GABRG3: variants seen among roughly 807,000 people sequenced by gnomAD.
The protein encoded by GABRG3 is gamma-aminobutyric acid receptor subunit gamma-3.
GABRG3 carries 25 observed loss-of-function variants against 48.8 expected under a neutral mutation model. The observed-to-expected ratio is 0.51, with a 90% CI of 0.37 to 0.72. The LOEUF is 0.72. GABRG3 is among the 30% of genes least tolerant of loss of function. The pLI, the probability that GABRG3 is intolerant of heterozygous loss-of-function variation, is 0.00. For synonymous variants in GABRG3, 227 were observed against 217.6 expected (o/e 1.04, Z -0.38); for missense variants, 394 against 577.9 (o/e 0.68, Z 3.26).
chr15:27,475,553 TG>T (rs1203121313), intron 5 of GABRG3, among the ~76,000 whole-genome samples: 2 of 152,004 alleles, frequency 1.3e-5, no homozygotes, highest in Non-Finnish European at 2.9e-5. Context: ...GTGATGATGA[TG>T]GTATGATGAT....
chr15:27,194,184 G>A (rs1888423314), intron 3 of GABRG3, among the ~76,000 whole-genome samples: 1 of 152,030 alleles, frequency 6.6e-6, no homozygotes, highest in African/African-American at 2.4e-5. Flanking sequence ...CTTTCATTTA[G>A]TTCCCTAGTT....
intron 3 of GABRG3, among the ~76,000 whole-genome samples, chr15:27,243,288 A>T (rs1304617045): frequency 2.0e-5 from 3 of 152,186 alleles, no homozygotes; most frequent in African/African-American, 7.2e-5. Context: ...TGAAAATAAC[A>T]CCCGAAAGAA....
At chr15:27,129,298 A>T (rs2140381624) in intron 3 of GABRG3, among the ~76,000 whole-genome samples, 1 of 152,298 alleles carries the variant, frequency 6.6e-6, no homozygotes, top group South Asian at 2.1e-4. Context: ...TATATAGTGG[A>T]ATCATACAGC....
chr15:27,195,151 A>G (rs1566961358), intron 3 of GABRG3, among the ~76,000 whole-genome samples: 1 of 152,048 alleles, frequency 6.6e-6, no homozygotes, highest in Non-Finnish European at 1.5e-5. Flanking sequence ...AAGAGAATGA[A>G]TAACTGCTTG....
At chr15:27,331,689 C>T (rs1366151883) in intron 5 of GABRG3, among the ~76,000 whole-genome samples, 1 of 152,152 alleles carries the variant, frequency 6.6e-6, no homozygotes, top group Non-Finnish European at 1.5e-5. Context: ...AGAATGAATG[C>T]TAAAATCAGT....
rs150769934 is a variant in GABRG3, at chr15:27,370,003, A to G, written c.574+41115A>G. Among the ~76,000 whole-genome samples the G allele has an allele frequency of 3.3e-5, 5 of 152,224 alleles. No homozygotes were observed. The East Asian group carries it at 7.7e-4, about 24-fold the overall frequency. On this transcript the variant is annotated intron_variant, in intron 5 of 9. Coordinates refer to ENST00000615808, the MANE Select transcript of GABRG3 (RefSeq NM_033223.5). The stretch of plus-strand genomic sequence containing the variant: ...CCAACGTGGAAGCGTAGTAGGTTGG[A>G]TGCTGATTGCATACCCCTTTTAGCA...
At chr15:27,100,002 G>A (rs1414107214) in intron 3 of GABRG3, among the ~76,000 whole-genome samples, 2 of 152,026 alleles carry the variant, frequency 1.3e-5, no homozygotes, top group Admixed American at 1.3e-4. Context: ...AGATCATGAG[G>A]CCAAGAGTTC....
At chr15:27,092,382 TC>T (rs1897202278) in intron 3 of GABRG3, among the ~76,000 whole-genome samples, 1 of 152,200 alleles carries the variant, frequency 6.6e-6, no homozygotes, top group South Asian at 2.1e-4. Flanking sequence ...TTCTCTGTTA[TC>T]CTATTTTTAT....
chr15:26,981,740 C>T (rs547388763), intron 2 of GABRG3, among the ~76,000 whole-genome samples: 1 of 152,326 alleles, frequency 6.6e-6, no homozygotes, highest in South Asian at 2.1e-4. Flanking sequence ...CAGGATGTGC[C>T]TGACCGTGGC....
At chr15:27,030,962 T>A (rs1010106961) in intron 3 of GABRG3, among the ~76,000 whole-genome samples, 34 of 152,138 alleles carry the variant, frequency 2.2e-4, no homozygotes, top group Admixed American at 2.2e-3. Context: ...CTGTGTTTTT[T>A]AAAAGAATTA....
In GABRG3 at chr15:27,179,898, G is replaced by C. The variant is rs1355819252; in HGVS notation, c.271-146911G>C. Among the ~76,000 whole-genome samples the C allele has an allele frequency of 6.6e-6, 1 of 152,188 alleles. No individual in the cohort carries two copies. The highest frequency in any genetic ancestry group is 1.5e-5 in the Non-Finnish European group (1 of 68,028). ...AAAATAAGCTGAATGTTTGTGCCCTGTTACCAGATTGTTCTCTTGATTCAC... is the reference window on the plus strand; with the variant it reads ...AAAATAAGCTGAATGTTTGTGCCCTCTTACCAGATTGTTCTCTTGATTCAC... On this transcript the variant is annotated intron_variant, in intron 3 of 9. Transcript: ENST00000615808. The surrounding 1 kb of genome is among the most constrained non-coding windows in gnomAD (Gnocchi z 4.0).
intron 3 of GABRG3, among the ~76,000 whole-genome samples, chr15:27,286,498 G>A (rs559222028): frequency 6.6e-6 from 1 of 152,314 alleles, no homozygotes; most frequent in African/African-American, 2.4e-5. Context: ...GTCAAATGTG[G>A]AGAGAAAGCA....
intron 5 of GABRG3, among the ~76,000 whole-genome samples, chr15:27,430,989 C>CAATAAATA (rs61461156): frequency 0.021 from 2,950 of 141,174 alleles, 44 homozygotes; most frequent in East Asian, 0.043. Context: ...GTCCCTGTCT[C>CAATAAATA]AATAAATAAA....
intron 3 of GABRG3, among the ~76,000 whole-genome samples, chr15:27,216,787 T>A (rs1316593376): frequency 6.8e-6 from 1 of 146,432 alleles, no homozygotes. Flanking sequence ...AATTTTTTTT[T>A]TTATTATACT....
At chr15:27,157,454 C>T (rs2286945) in intron 3 of GABRG3, among the ~76,000 whole-genome samples, 77,128 of 151,964 alleles carry the variant, frequency 0.51, 19,915 homozygotes, top group African/African-American at 0.57. Flanking sequence ...TTCTTTAGGC[C>T]CTTCCCGTAT....
At chr15:27,377,297 A>G (rs1049756542) in intron 5 of GABRG3, among the ~76,000 whole-genome samples, 1 of 151,970 alleles carries the variant, frequency 6.6e-6, no homozygotes, top group Non-Finnish European at 1.5e-5. Flanking sequence ...AGCCCTCCAA[A>G]CTGTTACAAC....
At chr15:27,181,054 C>T (rs1396814875) in intron 3 of GABRG3, among the ~76,000 whole-genome samples, 2 of 152,188 alleles carry the variant, frequency 1.3e-5, no homozygotes, top group Non-Finnish European at 2.9e-5. Flanking sequence ...GAAGGGCTGA[C>T]CTTGAATAAA....
intron 3 of GABRG3, among the ~76,000 whole-genome samples, chr15:27,189,259 G>A (rs1159343501): frequency 6.6e-6 from 1 of 151,810 alleles, no homozygotes; most frequent in Non-Finnish European, 1.5e-5. Context: ...TTCCAATTCT[G>A]TGAAGAAAGT....
rs775459053 is a variant in GABRG3 at position 27,146,271 on chromosome 15, G to A, written c.270+119450G>A. ...AGATTGAGACCAGCCTGGCTAACAC[G>A]TTGAAACCCTGTCTCTACTAAAATA... On this transcript the variant is annotated intron_variant, in intron 3 of 9. Coordinates refer to ENST00000615808, the MANE Select transcript of GABRG3 (RefSeq NM_033223.5). Among the ~76,000 whole-genome samples the A allele has an allele frequency of 1.2e-4, 19 of 152,202 alleles. No homozygotes were observed. In the South Asian group the frequency reaches 2.5e-3, roughly 20 times the overall value.
Sources: gnomAD v4.1 joint callset for allele counts (sites outside exome capture counted in the v4.1 genomes callset) on GRCh38, gnomAD v4.1.1 for gene constraint, Gnocchi (gnomAD v3.1) non-coding constraint, MANE v1.5 for transcripts, NCBI Gene and HGNC (gene_info 2026-07-23, HGNC 2026-07-21) for gene names.